RBFOX1: variants seen among roughly 807,000 people sequenced by gnomAD.
The protein encoded by RBFOX1 is RNA binding fox-1 homolog 1.
In RBFOX1, 8 loss-of-function variants were observed where a neutral mutation model predicts 57.7. That is an observed-to-expected ratio of 0.14 (90% CI 0.08 to 0.25). The LOEUF is 0.25. RBFOX1 is among the 10% of genes least tolerant of loss of function. RBFOX1 has a pLI of 1.00. For missense variants in RBFOX1, 611 were observed against 548.5 expected, an observed-to-expected ratio of 1.11 and a Z score of -1.14; for synonymous variants, 326 against 222.4, an observed-to-expected ratio of 1.47 and a Z score of -4.15.
intron 1 of RBFOX1, among the ~76,000 whole-genome samples, chr16:6,208,158 T>C (rs559710258): frequency 6.6e-6 from 1 of 152,172 alleles, no homozygotes; most frequent in South Asian, 2.1e-4. Context: ...ATATATGTTA[T>C]GTTTTATATA....
chr16:5,649,563 T>G (rs974160109), intron 3 of RBFOX1, among the ~76,000 whole-genome samples: 1 of 152,198 alleles, frequency 6.6e-6, no homozygotes, highest in Non-Finnish European at 1.5e-5. Flanking sequence ...AAAACAGAAA[T>G]CATAGCTAAG....
At chr16:6,695,878 T>C (rs1321441943) in intron 3 of RBFOX1, among the ~76,000 whole-genome samples, 4 of 152,194 alleles carry the variant, frequency 2.6e-5, no homozygotes, top group Non-Finnish European at 5.9e-5. Flanking sequence ...CATCTCCATA[T>C]GGCCGTGAAT....
chr16:6,431,845 T>A (rs2094096320), intron 2 of RBFOX1, among the ~76,000 whole-genome samples: 1 of 151,618 alleles, frequency 6.6e-6, no homozygotes, highest in East Asian at 1.9e-4. Flanking sequence ...GTTATTGTGA[T>A]GATTTAAGGA....
At chr16:5,702,426 G>C (rs755200198) in intron 3 of RBFOX1, among the ~76,000 whole-genome samples, 1 of 152,150 alleles carries the variant, frequency 6.6e-6, no homozygotes, top group Non-Finnish European at 1.5e-5. Context: ...CCTTCAATTC[G>C]ACATGAGATT....
intron 6 of RBFOX1, among the ~76,000 whole-genome samples, chr16:7,586,184 C>T (rs527490184): frequency 6.6e-6 from 1 of 152,266 alleles, no homozygotes; most frequent in African/African-American, 2.4e-5. Flanking sequence ...TTTTATTTTT[C>T]CCTGGGCCAC....
chr16:6,009,802 A>ACGTGTGTGTGTGTC (rs2094949591), intron 4 of RBFOX1, among the ~76,000 whole-genome samples: 1 of 58,562 alleles, frequency 1.7e-5, no homozygotes, highest in Non-Finnish European at 3.2e-5. Context: ...CAGTGTGTGT[A>ACGTGTGTGTGTGTC]TGTGTGTGTG....
intron 1 of RBFOX1, among the ~76,000 whole-genome samples, chr16:5,428,689 A>G (rs2067638117): frequency 6.6e-6 from 1 of 152,148 alleles, no homozygotes; most frequent in Admixed American, 6.5e-5. Flanking sequence ...TGGCCAGTGG[A>G]CATCTGGGGG....
At position 7,251,421 on chromosome 16, in the gene RBFOX1, T is replaced by C. The variant is rs79114159; in HGVS notation, c.27+199323T>C. On this transcript the variant is annotated intron_variant, in intron 4 of 15. Coordinates refer to ENST00000550418, the MANE Select transcript of RBFOX1 (RefSeq NM_018723.4). ...CTTCTGTCCGTTTTTTTTTTTTTTT[T>C]CTGTGGGGGATGGAGTTTTGTTCTT... Among the ~76,000 whole-genome samples the C allele has an allele frequency of 1.2e-3, 184 of 148,764 alleles. 1 individual carries two copies. In the East Asian group the frequency reaches 0.02, roughly 16 times the overall value.
intron 3 of RBFOX1, among the ~76,000 whole-genome samples, chr16:6,887,546 CAAA>C (rs1038828506): frequency 2.0e-5 from 3 of 149,000 alleles, no homozygotes; most frequent in African/African-American, 7.3e-5. Context: ...TTTATAGACA[CAAA>C]AACACATATA....
intron 4 of RBFOX1, among the ~76,000 whole-genome samples, chr16:5,893,269 T>C (rs2058087682): frequency 6.6e-6 from 1 of 152,170 alleles, no homozygotes; most frequent in African/African-American, 2.4e-5. Context: ...TACAAGTAAA[T>C]ACGTGGCAGC....
At chr16:5,927,904 C>T (rs1174427854) in intron 4 of RBFOX1, among the ~76,000 whole-genome samples, 1 of 152,016 alleles carries the variant, frequency 6.6e-6, no homozygotes, top group Non-Finnish European at 1.5e-5. Context: ...ACATCAAAAT[C>T]CTGGAAACAG....
chr16:6,673,927 C>T (rs556230720), intron 3 of RBFOX1, among the ~76,000 whole-genome samples: 1 of 151,996 alleles, frequency 6.6e-6, no homozygotes, highest in African/African-American at 2.4e-5. Flanking sequence ...GAAAGACTGG[C>T]CAGGTGGAAT....
At chr16:5,367,561 C>A (rs1320744402) in intron 1 of RBFOX1, among the ~76,000 whole-genome samples, 3 of 152,292 alleles carry the variant, frequency 2.0e-5, no homozygotes, top group Non-Finnish European at 4.4e-5. Context: ...TTCTTACAAA[C>A]CTTCCCCAGT....
At chr16:6,505,854 G>T (rs1270558690) in intron 2 of RBFOX1, among the ~76,000 whole-genome samples, 1 of 152,182 alleles carries the variant, frequency 6.6e-6, no homozygotes, top group Non-Finnish European at 1.5e-5. Context: ...CAGTGTTGGG[G>T]TAAGGAGCTG....
chr16:5,797,915 G>C (rs573104151), intron 3 of RBFOX1, among the ~76,000 whole-genome samples: 1 of 152,256 alleles, frequency 6.6e-6, no homozygotes, highest in South Asian at 2.1e-4. Flanking sequence ...ATCTGCTTGA[G>C]GTTAATTGGA....
chr16:5,815,861 G>C (rs888833999), intron 3 of RBFOX1, among the ~76,000 whole-genome samples: 16 of 152,194 alleles, frequency 1.1e-4, no homozygotes, highest in African/African-American at 3.9e-4. Context: ...TCAGATGGGG[G>C]CAGGGGCTGG....
intron 3 of RBFOX1, among the ~76,000 whole-genome samples, chr16:5,793,806 T>A (rs946858925): frequency 6.6e-6 from 1 of 152,148 alleles, no homozygotes; most frequent in African/African-American, 2.4e-5. Context: ...TGAGTGTGCA[T>A]TGCATGCGTG....
At chr16:6,927,412 C>CAGAAAAAAAAA (rs79137804) in intron 3 of RBFOX1, among the ~76,000 whole-genome samples, 2 of 9,634 alleles carry the variant, frequency 2.1e-4, no homozygotes, top group Non-Finnish European at 3.5e-4. Flanking sequence ...GACGCTTTCT[C>CAGAAAAAAAAA]ACAAAAAAAA....
At chr16:7,586,746 A>T (rs955910930) in intron 6 of RBFOX1, among the ~76,000 whole-genome samples, 1 of 152,240 alleles carries the variant, frequency 6.6e-6, no homozygotes, top group Admixed American at 6.5e-5. Flanking sequence ...TAGTGCCTAG[A>T]TAGTGGAGTT....
Sources: gnomAD v4.1 joint callset for allele counts (sites outside exome capture counted in the v4.1 genomes callset) on GRCh38, gnomAD v4.1.1 for gene constraint, MANE v1.5 for transcripts, NCBI Gene and HGNC (gene_info 2026-07-23, HGNC 2026-07-21) for gene names.